Variants in SEMA3E observed in about 807,000 individuals in gnomAD.
SEMA3E encodes the protein semaphorin-3E.
SEMA3E carries 49 observed loss-of-function variants against 93.6 expected under a neutral mutation model. The observed-to-expected ratio is 0.52, with a 90% CI of 0.42 to 0.66. The LOEUF is 0.66. SEMA3E is among the 30% of genes least tolerant of loss of function. The pLI, the probability that SEMA3E is intolerant of heterozygous loss-of-function variation, is 0.00. For missense variants in SEMA3E, 906 were observed against 964.8 expected, an observed-to-expected ratio of 0.94 and a Z score of 0.81; for synonymous variants, 363 against 330.7, an observed-to-expected ratio of 1.10 and a Z score of -1.06.
At chr7:83,598,055 G>T (rs1468522511) in intron 1 of SEMA3E, among the ~76,000 whole-genome samples, 4 of 152,200 alleles carry the variant, frequency 2.6e-5, no homozygotes, top group East Asian at 1.9e-4. Context: ...TTGTAACAAA[G>T]CTTCATATCA....
intron 1 of SEMA3E, among the ~76,000 whole-genome samples, chr7:83,498,364 A>G (rs1044030151): frequency 2.0e-5 from 3 of 152,224 alleles, no homozygotes; most frequent in African/African-American, 7.2e-5. Flanking sequence ...TCAGAGGAAT[A>G]CTAAAGATCA....
chr7:83,381,837 G>A (rs1188442121), intron 16 of SEMA3E, among the ~76,000 whole-genome samples: 1 of 151,940 alleles, frequency 6.6e-6, no homozygotes, highest in African/African-American at 2.4e-5. Flanking sequence ...GCTTGAAAAG[G>A]AAATTTGAGA....
intron 1 of SEMA3E, among the ~76,000 whole-genome samples, chr7:83,530,259 T>A (rs1791260469): frequency 6.6e-6 from 1 of 152,130 alleles, no homozygotes; most frequent in Non-Finnish European, 1.5e-5. Context: ...TTTTATAGAT[T>A]AGAAAACTGA....
intron 1 of SEMA3E, among the ~76,000 whole-genome samples, chr7:83,519,809 G>C (rs1042623818): frequency 3.3e-5 from 5 of 152,086 alleles, no homozygotes; most frequent in Admixed American, 6.6e-5. Flanking sequence ...AACCACATGG[G>C]ATATGTATCT....
rs1327234249 is a variant in SEMA3E, at chr7:83,617,497, T to TA, written c.115+30930dup. On this transcript the variant is annotated intron_variant, in intron 1 of 16. Coordinates refer to ENST00000643230, the MANE Select transcript of SEMA3E (RefSeq NM_012431.3). ...ATATAAATTTTATATAAATAATATA[T>TA]AATTTTATATAAATAATATATAATT... Among the ~76,000 whole-genome samples the TA allele has an allele frequency of 9.7e-4, 75 of 77,254 alleles. 7 individuals carry two copies. The highest frequency in any genetic ancestry group is 1.5e-3 in the Non-Finnish European group (54 of 36,164). 50.7% of individuals were successfully genotyped at this position (77,254 alleles called of 152,430 possible). A position where few individuals can be genotyped will look rare whatever the true frequency, so the allele number is the denominator to read the frequency against.
At chr7:83,547,962 G>T (rs1791684700) in intron 1 of SEMA3E, among the ~76,000 whole-genome samples, 1 of 152,070 alleles carries the variant, frequency 6.6e-6, no homozygotes, top group Non-Finnish European at 1.5e-5. Flanking sequence ...TCTGGATGAG[G>T]CTGCCAGATC....
chr7:83,627,791 T>C (rs912171882), intron 1 of SEMA3E, among the ~76,000 whole-genome samples: 4 of 152,146 alleles, frequency 2.6e-5, no homozygotes, highest in Non-Finnish European at 5.9e-5. Flanking sequence ...CTGTGTCTTT[T>C]AATTGGGGCA....
At chr7:83,620,225 T>G (rs762555225) in intron 1 of SEMA3E, among the ~76,000 whole-genome samples, 4 of 151,924 alleles carry the variant, frequency 2.6e-5, no homozygotes, top group Non-Finnish European at 5.9e-5. Flanking sequence ...CATAATTTTG[T>G]GAGATAAATT....
At chr7:83,455,743 G>T (rs1333258681) in intron 4 of SEMA3E, among the ~76,000 whole-genome samples, 5 of 152,252 alleles carry the variant, frequency 3.3e-5, no homozygotes, top group African/African-American at 9.6e-5. Context: ...TGGTCTAGAA[G>T]AAGTATGCAG....
intron 2 of SEMA3E, among the ~76,000 whole-genome samples, chr7:83,487,666 TTGAC>T (rs1235373701): frequency 2.8e-5 from 4 of 144,422 alleles, no homozygotes; most frequent in East Asian, 2.1e-4. Context: ...CCCATTGAAT[TTGAC>T]TGGCAGGAGG....
intron 4 of SEMA3E, among the ~76,000 whole-genome samples, chr7:83,420,101 C>CA (rs1788643233): frequency 6.6e-6 from 1 of 152,080 alleles, no homozygotes; most frequent in African/African-American, 2.4e-5. Context: ...TTTCAAGATA[C>CA]AAAATCAATG....
intron 1 of SEMA3E, among the ~76,000 whole-genome samples, chr7:83,565,711 C>T (rs1300480479): frequency 1.3e-5 from 2 of 152,010 alleles, no homozygotes; most frequent in African/African-American, 2.4e-5. Flanking sequence ...GCTACAGCTT[C>T]CTTGACCAAA....
At position 83,366,350 on chromosome 7, in the gene SEMA3E, C is replaced by T. The variant is rs904242992; in HGVS notation, c.*1236G>A. The T allele has an allele frequency of 4.9e-4, 74 of 151,852 alleles. 1 individual carries two copies. Among genetic ancestry groups the T allele is most frequent in the African/African-American group, 1.8e-3 (73 of 41,422 alleles). 9.4% of individuals were successfully genotyped at this position (151,852 alleles called of 1,614,324 possible). ...TGATAAATAAACATTCTTAAAAATA[C>T]AATTGTTTTTTATAACATTTAAGAG... is the stretch of plus-strand genomic sequence containing the variant. On this transcript the variant is annotated 3_prime_UTR_variant, in exon 17 of 17. Transcript: ENST00000643230.
chr7:83,604,153 A>T (rs1290599147), intron 1 of SEMA3E, among the ~76,000 whole-genome samples: 2 of 152,154 alleles, frequency 1.3e-5, no homozygotes, highest in East Asian at 3.9e-4. Flanking sequence ...AATAAAGTAC[A>T]TTAGCAAAGC....
chr7:83,639,110 C>CAAAAAA (rs1172097095), intron 1 of SEMA3E, among the ~76,000 whole-genome samples: 30 of 27,456 alleles, frequency 1.1e-3, no homozygotes, highest in African/African-American at 2.9e-3. Flanking sequence ...GACTCCGTCT[C>CAAAAAA]AAAAAAAAAA....
chr7:83,387,976 G>T (rs1787916878), intron 14 of SEMA3E, among the ~76,000 whole-genome samples: 1 of 145,386 alleles, frequency 6.9e-6, no homozygotes, highest in African/African-American at 2.5e-5. Context: ...TGTAATTCAA[G>T]AATATATATA....
intron 1 of SEMA3E, among the ~76,000 whole-genome samples, chr7:83,496,058 G>A (rs2115579495): frequency 6.6e-6 from 1 of 151,838 alleles, no homozygotes; most frequent in East Asian, 1.9e-4. Flanking sequence ...ACTATCTAAG[G>A]GCTAGACAAT....
intron 4 of SEMA3E, among the ~76,000 whole-genome samples, chr7:83,456,161 A>G (rs1789474237): frequency 1.3e-5 from 2 of 152,248 alleles, no homozygotes; most frequent in Non-Finnish European, 2.9e-5. Flanking sequence ...TTAAGTAATG[A>G]AAACCATTTT....
chr7:83,500,428 T>C (rs1306737805), intron 1 of SEMA3E, among the ~76,000 whole-genome samples: 1 of 151,688 alleles, frequency 6.6e-6, no homozygotes, highest in African/African-American at 2.4e-5. Context: ...AGAGCGAGAC[T>C]CCGTCTCAAA....
Sources: gnomAD v4.1 joint callset for allele counts (sites outside exome capture counted in the v4.1 genomes callset) on GRCh38, gnomAD v4.1.1 for gene constraint, MANE v1.5 for transcripts, NCBI Gene and HGNC (gene_info 2026-07-23, HGNC 2026-07-21) for gene names.